The following GFRA2 variants were observed in gnomAD, a reference collection of about 807,000 sequenced individuals.
GFRA2 encodes the protein GDNF family receptor alpha 2.
In GFRA2, 17 loss-of-function variants were observed where a neutral mutation model predicts 48.3. That is an observed-to-expected ratio of 0.35 (90% CI 0.24 to 0.53). The LOEUF (loss-of-function observed/expected upper bound fraction) is 0.53, where lower values mean the gene tolerates loss of function less well. GFRA2 is among the 20% of genes least tolerant of loss of function. The pLI, the probability that GFRA2 is intolerant of heterozygous loss-of-function variation, is 0.93. For synonymous variants in GFRA2, 305 were observed against 257.2 expected (o/e 1.19, Z -1.78); for missense variants, 660 against 637.3 (o/e 1.04, Z -0.38).
In GFRA2 at chr8:21,694,600, G is replaced by A. The variant is rs540091754; in HGVS notation, c.1219-83C>T. The A allele has an allele frequency of 1.6e-4, 207 of 1,277,008 alleles. 3 individuals are homozygous for A. In the South Asian group the frequency reaches 2.4e-3, roughly 15 times the overall value. 79.1% of individuals were successfully genotyped at this position (1,277,008 alleles called of 1,614,324 possible). On this transcript the variant is annotated intron_variant, in intron 7 of 8. Transcript: ENST00000524240. ...TGTCCAGAGACTTAGATGAGGCCCCGCCATGCACTGTTGGCTCCGCTAAGC... is the reference window on the plus strand; with the variant it reads ...TGTCCAGAGACTTAGATGAGGCCCCACCATGCACTGTTGGCTCCGCTAAGC...
chr8:21,707,488 C>T (rs566634506), intron 4 of GFRA2, among the ~76,000 whole-genome samples: 77 of 152,298 alleles, frequency 5.1e-4, no homozygotes, highest in African/African-American at 1.8e-3. Context: ...GTATGTCCCA[C>T]CACTGGACAA....
In GFRA2 at chr8:21,769,258, G is replaced by GCCCCAGCACCA. The variant is rs1350917620; in HGVS notation, c.439+5713_439+5714insTGGTGCTGGGG. On this transcript the variant is annotated intron_variant, in intron 3 of 8. Coordinates refer to ENST00000524240, the MANE Select transcript of GFRA2 (RefSeq NM_001495.5). ...CTGGCCCCAGCCCCGCCCCAGCCCC[G>GCCCCAGCACCA]CCCCTGCCCTGCCCCTTCCATGATC... 4.1e-4 allele frequency: 212 copies of GCCCCAGCACCA among 523,076 alleles called. 1 individual carries two copies. In the Admixed American group the frequency reaches 5.3e-3, roughly 13 times the overall value. 32.4% of individuals were successfully genotyped at this position (523,076 alleles called of 1,614,324 possible).
At chr8:21,711,325 G>A (rs573627883) in intron 4 of GFRA2, among the ~76,000 whole-genome samples, 7 of 152,294 alleles carry the variant, frequency 4.6e-5, no homozygotes, top group African/African-American at 1.4e-4. Flanking sequence ...GAAAGAGAGA[G>A]AGGAACAGAT....
intron 4 of GFRA2, among the ~76,000 whole-genome samples, chr8:21,725,283 C>T (rs1268632811): frequency 6.6e-6 from 1 of 152,176 alleles, no homozygotes; most frequent in Non-Finnish European, 1.5e-5. Context: ...ACCTGCAGAC[C>T]AGATCCTACT....
intron 1 of GFRA2, chr8:21,784,357 T>G (rs980685436): frequency 5.0e-5 from 23 of 455,726 alleles, no homozygotes; most frequent in Admixed American, 4.0e-4. Context: ...AAAGAGTAAT[T>G]TGGGAGGCTT....
intron 4 of GFRA2, among the ~76,000 whole-genome samples, chr8:21,748,093 C>T (rs1438747229): frequency 6.6e-6 from 1 of 152,120 alleles, no homozygotes; most frequent in Non-Finnish European, 1.5e-5. Flanking sequence ...TCTAGCAACC[C>T]CTCCTAGGCC....
At chr8:21,729,734 G>A (rs766980333) in intron 4 of GFRA2, among the ~76,000 whole-genome samples, 9 of 152,024 alleles carry the variant, frequency 5.9e-5, no homozygotes, top group East Asian at 1.9e-4. Context: ...CAAAGAATCC[G>A]CACACTGAGT....
At chr8:21,725,405 G>A (rs1337574909) in intron 4 of GFRA2, among the ~76,000 whole-genome samples, 1 of 152,224 alleles carries the variant, frequency 6.6e-6, no homozygotes, top group African/African-American at 2.4e-5. Context: ...TGAATGCCCA[G>A]CCTGGGGCGG....
In GFRA2 at chr8:21,725,431, T is replaced by TATGCTGA. The variant is rs553685267; in HGVS notation, c.795-19397_795-19391dup. Among the ~76,000 whole-genome samples, 416 of 152,294 alleles carry TATGCTGA rather than the reference T, an allele frequency of 2.7e-3. 1 individual carries two copies. The highest frequency in any genetic ancestry group is 3.3e-3 in the Non-Finnish European group (226 of 68,012). ...CCTGGGGCGGGGGGACAGACACCAG[T>TATGCTGA]ATGCTGAGCCAGCCCAGACACTCAG... On this transcript the variant is annotated intron_variant, in intron 4 of 8. Coordinates refer to ENST00000524240, the MANE Select transcript of GFRA2 (RefSeq NM_001495.5).
intron 3 of GFRA2, among the ~76,000 whole-genome samples, chr8:21,760,108 G>A (rs1283760557): frequency 6.6e-6 from 1 of 152,196 alleles, no homozygotes; most frequent in African/African-American, 2.4e-5. Flanking sequence ...GAAGGGTAAG[G>A]TTGCCAGAGC....
upstream of GFRA2, among the ~76,000 whole-genome samples, chr8:21,793,181 C>A (rs1001667716): frequency 7.0e-4 from 106 of 152,282 alleles, 2 homozygotes; most frequent in East Asian, 0.014. Context: ...TGGAGAAGAA[C>A]CAAGCCTTGC....
At chr8:21,726,182 C>A (rs1362605626) in intron 4 of GFRA2, among the ~76,000 whole-genome samples, 2 of 152,214 alleles carry the variant, frequency 1.3e-5, no homozygotes, top group Non-Finnish European at 2.9e-5. Flanking sequence ...CACCCACGCA[C>A]TTCCTATCCC....
At chr8:21,772,290 GTTTCT>G (rs1320551860) in intron 3 of GFRA2, among the ~76,000 whole-genome samples, 10 of 152,102 alleles carry the variant, frequency 6.6e-5, no homozygotes, top group Non-Finnish European at 1.3e-4. Flanking sequence ...GGCCAGTTTG[GTTTCT>G]TTTCTTTGTT....
Position 21,721,150 on chromosome 8 carries a change from A to G in GFRA2, c.795-15109T>C, listed in dbSNP as rs145347945. ...CTAACACCTCCCCTTGAAAAGTAAA[A>G]TTATAGGCAGATCTTCAGCTAGCAG... On this transcript the variant is annotated intron_variant, in intron 4 of 8. Coordinates refer to ENST00000524240, the MANE Select transcript of GFRA2 (RefSeq NM_001495.5). Among the ~76,000 whole-genome samples, 715 of 152,252 alleles carry G rather than the reference A, an allele frequency of 4.7e-3. 8 individuals carry two copies. Among genetic ancestry groups the G allele is most frequent in the African/African-American group, 0.016 (657 of 41,544 alleles).
intron 7 of GFRA2, among the ~76,000 whole-genome samples, chr8:21,699,643 G>A (rs1470347394): frequency 2.0e-5 from 3 of 152,268 alleles, no homozygotes; most frequent in East Asian, 1.9e-4. Flanking sequence ...ATAAGACCAC[G>A]AGTCTCTAAC....
chr8:21,767,636 C>G (rs1027507757), intron 3 of GFRA2, among the ~76,000 whole-genome samples: 19 of 152,374 alleles, frequency 1.2e-4, no homozygotes, highest in African/African-American at 3.4e-4. Flanking sequence ...CGCCCCACAC[C>G]CCAGCCACTG....
At chr8:21,807,998 T>A (rs1432083774) in intron 1 of GFRA2, among the ~76,000 whole-genome samples, 5 of 152,188 alleles carry the variant, frequency 3.3e-5, no homozygotes, top group African/African-American at 1.2e-4. Flanking sequence ...TAAATACCCT[T>A]CCTACAAATA....
chr8:21,749,190 C>A (rs562189011), intron 4 of GFRA2, among the ~76,000 whole-genome samples: 17 of 150,840 alleles, frequency 1.1e-4, no homozygotes, highest in African/African-American at 4.1e-4. Flanking sequence ...TATATAGAGC[C>A]AAACTTCAAC....
chr8:21,790,212 G>A (rs975986868), upstream of GFRA2: 33 of 426,386 alleles, frequency 7.7e-5, no homozygotes, highest in Non-Finnish European at 9.7e-5. Context: ...GCGGTCGCGC[G>A]AGGGCTCACA....
Sources: allele counts gnomAD v4.1 joint callset (sites outside exome capture counted in the v4.1 genomes callset), GRCh38; gene constraint gnomAD v4.1.1; transcripts MANE v1.5; gene names NCBI Gene and HGNC (gene_info 2026-07-23, HGNC 2026-07-21).